The following GABRG3 variants were observed in gnomAD, a reference collection of about 807,000 sequenced individuals.
The protein encoded by GABRG3 is gamma-aminobutyric acid receptor subunit gamma-3.
Under a neutral mutation model 48.8 loss-of-function variants are expected in GABRG3, and 25 were observed. The observed-to-expected ratio is 0.51, with a 90% CI of 0.37 to 0.72. The LOEUF (loss-of-function observed/expected upper bound fraction) is 0.72. GABRG3 is among the 30% of genes least tolerant of loss of function. The probability of loss-of-function intolerance (pLI) is 0.00; values close to 1 mark genes in which losing one functional copy is unlikely to be tolerated. For missense variants in GABRG3, 394 were observed against 577.9 expected, an observed-to-expected ratio of 0.68 and a Z score of 3.26; for synonymous variants, 227 against 217.6, an observed-to-expected ratio of 1.04 and a Z score of -0.38.
At chr15:27,199,989 A>C (rs1259474933) in intron 3 of GABRG3, among the ~76,000 whole-genome samples, 15 of 127,496 alleles carry the variant, frequency 1.2e-4, no homozygotes, top group East Asian at 2.3e-4. Context: ...TCCTCCCTCT[A>C]CTCCTCTCTT....
intron 3 of GABRG3, among the ~76,000 whole-genome samples, chr15:27,302,203 A>C (rs1892233264): frequency 2.6e-5 from 4 of 152,082 alleles, no homozygotes; most frequent in Non-Finnish European, 5.9e-5. Context: ...AAATACATAA[A>C]AGTGTCTGAT....
chr15:27,459,074 C>A (rs1299340425), intron 5 of GABRG3, among the ~76,000 whole-genome samples: 1 of 152,246 alleles, frequency 6.6e-6, no homozygotes, highest in Non-Finnish European at 1.5e-5. Flanking sequence ...CCCAGAAATA[C>A]TTCCCCCGTC....
chr15:27,253,249 TG>T (rs1481315234), intron 3 of GABRG3, among the ~76,000 whole-genome samples: 1 of 152,136 alleles, frequency 6.6e-6, no homozygotes, highest in Non-Finnish European at 1.5e-5. Context: ...TGGGAGGGTT[TG>T]GGTGTTTAGG....
chr15:27,340,840 A>G (rs1286145430), intron 5 of GABRG3: 1 of 287,196 alleles, frequency 3.5e-6, no homozygotes, highest in East Asian at 7.6e-5. Context: ...TAAAGCAAGG[A>G]CGACTTTGCT....
chr15:27,200,680 A>G (rs923895483), intron 3 of GABRG3, among the ~76,000 whole-genome samples: 3 of 152,118 alleles, frequency 2.0e-5, no homozygotes, highest in African/African-American at 4.8e-5. Flanking sequence ...GCGGATTTCT[A>G]TGGTACCTAC....
intron 3 of GABRG3, among the ~76,000 whole-genome samples, chr15:27,308,458 T>C (rs919571149): frequency 1.7e-4 from 21 of 127,080 alleles, no homozygotes; most frequent in South Asian, 4.6e-4. Flanking sequence ...TATGCAAACA[T>C]ACATGTTTAT....
At chr15:27,220,848 C>A (rs373537560) in intron 3 of GABRG3, among the ~76,000 whole-genome samples, 8 of 151,996 alleles carry the variant, frequency 5.3e-5, no homozygotes, top group African/African-American at 1.9e-4. Flanking sequence ...GTGGCAGGGC[C>A]CTAAGGGGGA....
At chr15:27,210,508 G>A (rs12907311) in intron 3 of GABRG3, among the ~76,000 whole-genome samples, 56,781 of 152,066 alleles carry the variant, frequency 0.37, 10,947 homozygotes, top group South Asian at 0.6. Context: ...GCACACACGC[G>A]TGCTCACATG....
chr15:27,048,979 A>G (rs1011457), intron 3 of GABRG3, among the ~76,000 whole-genome samples: 39,927 of 152,206 alleles, frequency 0.26, 5,545 homozygotes, highest in Middle Eastern at 0.39. Flanking sequence ...CCACCACGCT[A>G]CGGGGCTCTG....
At chr15:27,071,708 A>G (rs1896830483) in intron 3 of GABRG3, among the ~76,000 whole-genome samples, 2 of 152,254 alleles carry the variant, frequency 1.3e-5, no homozygotes, top group African/African-American at 4.8e-5. Flanking sequence ...GATATGCTGA[A>G]GACCTATTTT....
intron 2 of GABRG3, among the ~76,000 whole-genome samples, chr15:26,991,377 C>G (rs529313882): frequency 6.6e-6 from 1 of 151,176 alleles, no homozygotes; most frequent in Admixed American, 6.6e-5. Flanking sequence ...TTTTTTTTTC[C>G]CCCAGGATAG....
intron 5 of GABRG3, among the ~76,000 whole-genome samples, chr15:27,383,862 G>A (rs1427364342): frequency 1.3e-5 from 2 of 152,198 alleles, no homozygotes; most frequent in African/African-American, 2.4e-5. Context: ...AAAACAAAGT[G>A]TATGATAACA....
intron 3 of GABRG3, among the ~76,000 whole-genome samples, chr15:27,202,130 C>T (rs1265410150): frequency 1.3e-5 from 2 of 152,268 alleles, no homozygotes; most frequent in Admixed American, 6.5e-5. Flanking sequence ...AGAGAACCAA[C>T]GGAAGTGACC....
intron 3 of GABRG3, among the ~76,000 whole-genome samples, chr15:27,308,665 A>G (rs1438213661): frequency 1.3e-5 from 2 of 149,696 alleles, no homozygotes; most frequent in East Asian, 2.1e-4. Flanking sequence ...TAAACATATA[A>G]TGTAAACATA....
Position 27,351,233 on chromosome 15 carries a change from GTT to G in GABRG3, c.574+22347_574+22348del, listed in dbSNP as rs1481698766. 2.5e-4 allele frequency among the ~76,000 whole-genome samples: 37 copies of G among 147,942 alleles called. 1 individual carries two copies. The highest frequency in any genetic ancestry group is 9.1e-4 in the African/African-American group (36 of 39,348). Reference sequence around the variant, plus strand: ...GTGTTTGTGCGTGTATGGTGTGTGTGTTTGTGTGTATGGTGTTTGTGTGTATG... The same window carrying G: ...GTGTTTGTGCGTGTATGGTGTGTGTGTGTGTGTATGGTGTTTGTGTGTATG... On this transcript the variant is annotated intron_variant, in intron 5 of 9. Transcript: ENST00000615808.
At chr15:27,378,295 C>G (rs1208421120) in intron 5 of GABRG3, among the ~76,000 whole-genome samples, 1 of 152,160 alleles carries the variant, frequency 6.6e-6, no homozygotes, top group Admixed American at 6.5e-5. Context: ...TCTCCCTTCA[C>G]AGCTTTCCCC....
intron 6 of GABRG3, chr15:27,481,091 G>C: frequency 8.7e-7 from 1 of 1,151,512 alleles, no homozygotes; most frequent in Non-Finnish European, 1.1e-6. Context: ...CTGATGGGGA[G>C]AGTTCTGCAA....
chr15:27,308,512 A>T (rs532982704), intron 3 of GABRG3, among the ~76,000 whole-genome samples: 16 of 148,236 alleles, frequency 1.1e-4, no homozygotes, highest in Admixed American at 4.7e-4. Context: ...TATAAACATA[A>T]TGTAAACATA....
chr15:27,406,191 A>G (rs983760974), intron 5 of GABRG3, among the ~76,000 whole-genome samples: 5 of 151,240 alleles, frequency 3.3e-5, no homozygotes, highest in African/African-American at 1.2e-4. Flanking sequence ...GAGTCCATAC[A>G]GATATAATGA....
Sources: gnomAD v4.1 joint callset for allele counts (sites outside exome capture counted in the v4.1 genomes callset) on GRCh38, gnomAD v4.1.1 for gene constraint, MANE v1.5 for transcripts, NCBI Gene and HGNC (gene_info 2026-07-23, HGNC 2026-07-21) for gene names.